Variants in PARG observed in about 807,000 individuals in gnomAD.
PARG encodes the protein mitochondrial poly(ADP-ribose) glycohydrolase.
In PARG, 35 loss-of-function variants were observed where a neutral mutation model predicts 113.0. The ratio of observed to expected loss-of-function variants is 0.31; its 90% confidence interval spans 0.24 to 0.41. The LOEUF is 0.41. Ranked by LOEUF, PARG falls within the 10% of genes least tolerant of loss-of-function variation. PARG has a pLI of 1.00. For synonymous variants in PARG, 330 were observed against 409.9 expected, an observed-to-expected ratio of 0.81 and a Z score of 2.36; for missense variants, 797 against 1,169.4, an observed-to-expected ratio of 0.68 and a Z score of 4.64.
At chr10:49,852,184 T>C (rs1249673251) in intron 13 of PARG, among the ~76,000 whole-genome samples, 1 of 152,190 alleles carries the variant, frequency 6.6e-6, no homozygotes, top group Non-Finnish European at 1.5e-5. Flanking sequence ...AAATAGATGA[T>C]GAAATGGCCA....
Position 49,935,059 on chromosome 10 carries a change from T to C in PARG, c.284+17A>G, listed in dbSNP as rs1450565098. 8.2e-5 allele frequency: 59 copies of C among 716,064 alleles called. No homozygotes were observed. The highest frequency in any genetic ancestry group is 1.3e-4 in the Non-Finnish European group (51 of 391,584). The allele number at this position is 716,064 out of a possible 1,614,324, so 44.4% of individuals were successfully genotyped here. ...ATGTATTATTATTCATTTCTCTACA[T>C]AGGAATGTTTCTATACCTTTCTGAT... On this transcript the variant is annotated intron_variant, in intron 2 of 17. Coordinates refer to ENST00000616448, the MANE Select transcript of PARG (RefSeq NM_003631.5).
At chr10:49,824,976 C>T (rs1844281190) in intron 16 of PARG, among the ~76,000 whole-genome samples, 1 of 152,070 alleles carries the variant, frequency 6.6e-6, no homozygotes, top group South Asian at 2.1e-4. Context: ...AATGTCTTTA[C>T]ATTGTTTATT....
intron 6 of PARG, among the ~76,000 whole-genome samples, chr10:49,920,497 T>C (rs61487704): frequency 0.074 from 4,676 of 63,516 alleles, 362 homozygotes; most frequent in African/African-American, 0.16. Context: ...TATATATATA[T>C]ACACACACAC....
At chr10:49,941,412 A>G in intron 1 of PARG, 97 bp downstream of exon 1, 1 of 972,404 alleles carries the variant, frequency 1.0e-6, no homozygotes, top group Admixed American at 2.0e-5. Context: ...GATGCACACA[A>G]GACCAGAAAG....
intron 7 of PARG, among the ~76,000 whole-genome samples, chr10:49,914,457 G>C (rs186450136): frequency 4.1e-4 from 62 of 152,282 alleles, no homozygotes; most frequent in African/African-American, 1.4e-3. Flanking sequence ...CCTTGTAAAA[G>C]CCATATGGGT....
intron 8 of PARG, among the ~76,000 whole-genome samples, chr10:49,881,012 C>A (rs1376286739): frequency 6.6e-6 from 1 of 152,166 alleles, no homozygotes; most frequent in Admixed American, 6.5e-5. Context: ...GGGCGTGGTA[C>A]CTTTTTAGAT....
intron 6 of PARG, among the ~76,000 whole-genome samples, chr10:49,916,619 C>T (rs1404176222): frequency 2.6e-5 from 4 of 151,950 alleles, no homozygotes; most frequent in Non-Finnish European, 5.9e-5. Flanking sequence ...ATGCCATCTA[C>T]TGGTGTAGCT....
intron 7 of PARG, among the ~76,000 whole-genome samples, chr10:49,887,872 G>T (rs1554840734): frequency 6.6e-6 from 1 of 152,100 alleles, no homozygotes; most frequent in African/African-American, 2.4e-5. Flanking sequence ...ATGAATTTAG[G>T]TCATTTATGT....
intron 16 of PARG, among the ~76,000 whole-genome samples, chr10:49,828,893 A>C (rs1844508419): frequency 6.6e-6 from 1 of 152,158 alleles, no homozygotes; most frequent in Non-Finnish European, 1.5e-5. Flanking sequence ...ACAAACAACT[A>C]ATTGTGGTAA....
intron 15 of PARG, among the ~76,000 whole-genome samples, chr10:49,839,402 C>T (rs1003152805): frequency 2.0e-5 from 3 of 152,076 alleles, no homozygotes; most frequent in Admixed American, 1.3e-4. Flanking sequence ...GAGACACTTC[C>T]ATAAGGCAGT....
intron 13 of PARG, among the ~76,000 whole-genome samples, chr10:49,848,051 T>C (rs1186708605): frequency 6.6e-6 from 1 of 152,078 alleles, no homozygotes; most frequent in Non-Finnish European, 1.5e-5. Context: ...TACATACACA[T>C]AAAAACACGT....
chr10:49,917,002 C>G (rs1588985782), intron 6 of PARG, among the ~76,000 whole-genome samples: 1 of 151,852 alleles, frequency 6.6e-6, no homozygotes, highest in Admixed American at 6.6e-5. Flanking sequence ...TACTAAGTAT[C>G]TAGGTTAAAA....
chr10:49,877,309 A>C (rs1222026977), intron 9 of PARG, among the ~76,000 whole-genome samples: 1 of 150,610 alleles, frequency 6.6e-6, no homozygotes, highest in East Asian at 1.9e-4. Flanking sequence ...TAAAAGGCTA[A>C]AAAATATGGT....
At position 49,941,545 on chromosome 10, in the gene PARG, G is replaced by C; in HGVS notation, c.181C>G (p.Arg61Gly). 3 of 1,559,092 alleles carry C rather than the reference G, an allele frequency of 1.9e-6. No homozygotes were observed. The highest frequency in any genetic ancestry group is 2.6e-6 in the Non-Finnish European group (3 of 1,151,800). Residue 61 changes from arginine (R) to glycine (G), a missense_variant, in exon 1 of 18, where the codon CGG becomes GGG. Coordinates refer to ENST00000616448, the MANE Select transcript of PARG (RefSeq NM_003631.5). ...PPSSPACVPGRAGQHRGSATS... is the reference protein window; with the variant it reads ...PPSSPACVPGGAGQHRGSATS... ...GCGCTGCCTCTGTGCTGTCCCGCCC[G>C]CCCTGGGACGCAGGCTGGCGAGGAC...
chr10:49,868,522 G>A (rs1554837306), intron 10 of PARG, among the ~76,000 whole-genome samples: 1 of 152,108 alleles, frequency 6.6e-6, no homozygotes, highest in Non-Finnish European at 1.5e-5. Context: ...ATACATTCAA[G>A]GGGGAAGATG....
intron 15 of PARG, among the ~76,000 whole-genome samples, chr10:49,835,587 T>C (rs1182299037): frequency 2.0e-5 from 3 of 151,604 alleles, no homozygotes; most frequent in Non-Finnish European, 4.4e-5. Context: ...AGTTAAAAAC[T>C]AGAGACCAAC....
At chr10:49,869,310 C>T (rs1846676946) in intron 10 of PARG, among the ~76,000 whole-genome samples, 166 bp downstream of exon 10, 1 of 152,152 alleles carries the variant, frequency 6.6e-6, no homozygotes, top group African/African-American at 2.4e-5. Flanking sequence ...TATGCTTATA[C>T]ACAACATAAG....
At chr10:49,889,692 T>G (rs1847673740) in intron 7 of PARG, among the ~76,000 whole-genome samples, 1 of 152,210 alleles carries the variant, frequency 6.6e-6, no homozygotes, top group Admixed American at 6.5e-5. Flanking sequence ...CTTAAGTGTC[T>G]TAACAGGCTG....
intron 4 of PARG, among the ~76,000 whole-genome samples, chr10:49,924,516 G>A (rs1323021541): frequency 4.7e-5 from 7 of 148,872 alleles, no homozygotes; most frequent in African/African-American, 1.7e-4. Flanking sequence ...GGAAAAGGGT[G>A]AAACAAAAAT....
Sources: allele counts gnomAD v4.1 joint callset (sites outside exome capture counted in the v4.1 genomes callset), GRCh38; gene constraint gnomAD v4.1.1; transcripts MANE v1.5; gene names NCBI Gene and HGNC (gene_info 2026-07-23, HGNC 2026-07-21).